Variants in SACS observed in about 807,000 individuals in gnomAD.
SACS encodes sacsin.
In SACS, 197 loss-of-function variants were observed where a neutral mutation model predicts 348.0. That is an observed-to-expected ratio of 0.57 (90% CI 0.50 to 0.64). SACS has a LOEUF of 0.64. Among genes scored for constraint, SACS ranks in the 30% least tolerant of loss-of-function variants. SACS has a pLI of 0.00. For missense variants in SACS, 4,999 were observed against 5,360.8 expected (o/e 0.93, Z 2.11); for synonymous variants, 1,985 against 1,910.6 (o/e 1.04, Z -1.02).
chr13:23,351,440 G>A (rs902705449), intron 9 of SACS, among the ~76,000 whole-genome samples: 1 of 152,028 alleles, frequency 6.6e-6, no homozygotes, highest in Non-Finnish European at 1.5e-5. Flanking sequence ...TCGTGGTAGC[G>A]AATACTGTTC....
At chr13:23,406,183 T>G (rs1432900161) in intron 2 of SACS, among the ~76,000 whole-genome samples, 1 of 152,112 alleles carries the variant, frequency 6.6e-6, no homozygotes, top group African/African-American at 2.4e-5. Flanking sequence ...ATACACACAA[T>G]GGAATACTAT....
intron 2 of SACS, among the ~76,000 whole-genome samples, chr13:23,379,353 G>A (rs1049558196): frequency 4.6e-5 from 7 of 152,222 alleles, no homozygotes; most frequent in African/African-American, 1.7e-4. Context: ...GAAGCCTGGT[G>A]CCTGTGCTCG....
At chr13:23,371,927 A>T (rs1221755057) in intron 3 of SACS, among the ~76,000 whole-genome samples, 1 of 152,234 alleles carries the variant, frequency 6.6e-6, no homozygotes, top group Non-Finnish European at 1.5e-5. Context: ...ATAAATGATC[A>T]TTCTATTGTT....
At chr13:23,376,822 C>T (rs1871826687) in intron 2 of SACS, among the ~76,000 whole-genome samples, 2 of 152,156 alleles carry the variant, frequency 1.3e-5, no homozygotes, top group South Asian at 2.1e-4. Flanking sequence ...GAGGCCAAGA[C>T]GGGTGGATTA....
Position 23,341,106 on chromosome 13 carries a change from A to G in SACS, c.2770T>C (p.Leu924=), listed in dbSNP as rs1869169717. 3.1e-6 allele frequency: 5 copies of G among 1,613,754 alleles called. No homozygotes were observed. Among genetic ancestry groups the G allele is most frequent in the African/African-American group, 2.7e-5 (2 of 75,052 alleles). ...TGGTTAATGCGCTTGAATATTGCCA[A>G]TTCTTGAATAATTCTTTTCTCTTTC... is the stretch of plus-strand genomic sequence containing the variant. ...SEKEKRIIQE[L]AIFKRINHSS... The change falls in exon 10 of 10, where the codon TTG becomes CTG. Residue 924 remains leucine (L), a synonymous_variant. Coordinates refer to ENST00000382292, the MANE Select transcript of SACS (RefSeq NM_014363.6).
In SACS at chr13:23,335,263, C is replaced by CA. The variant is rs1057517212; in HGVS notation, c.8612dup (p.Leu2871PhefsTer29). 6 of 1,613,670 alleles carry CA rather than the reference C, an allele frequency of 3.7e-6. No individual in the cohort carries two copies. Among genetic ancestry groups the CA allele is most frequent in the Non-Finnish European group, 5.1e-6 (6 of 1,179,852 alleles). On this transcript the variant is annotated frameshift_variant, in exon 10 of 10. Coordinates refer to ENST00000382292, the MANE Select transcript of SACS (RefSeq NM_014363.6). LOFTEE classifies it high-confidence loss of function. The surrounding 1 kb of genome is among the most constrained non-coding windows in gnomAD (Gnocchi z 4.7). ...GCAGCCCAGTCTCCAAAGAAAGAGGCAAAAAACAGAAGGCCCTATGGGGTT... is the reference window on the plus strand; with the variant it reads ...GCAGCCCAGTCTCCAAAGAAAGAGGCAAAAAAACAGAAGGCCCTATGGGGTT...
intron 3 of SACS, among the ~76,000 whole-genome samples, chr13:23,371,679 G>A (rs984768605): frequency 2.6e-5 from 4 of 152,176 alleles, no homozygotes; most frequent in African/African-American, 9.7e-5. Flanking sequence ...TTTAGGTTAC[G>A]TATTCAGGCT....
At chr13:23,390,926 C>T (rs1872506718) in intron 2 of SACS, among the ~76,000 whole-genome samples, 1 of 152,208 alleles carries the variant, frequency 6.6e-6, no homozygotes, top group South Asian at 2.1e-4. Flanking sequence ...CCTTCTCCAG[C>T]CCAAACCTGC....
rs867991333 is a variant in SACS, at chr13:23,337,830, G to A, written c.6046C>T (p.Leu2016Phe). ...AGGTTTTTGGACCCAGTCTTCTTGA[G>A]GTATTTCAAAAATATCTTGAAGGCT... is the stretch of plus-strand genomic sequence containing the variant. ...SAAFKIFLKYLKKTGSKNLCA... is the reference protein window; with the variant it reads ...SAAFKIFLKYFKKTGSKNLCA... Residue 2016 changes from leucine to phenylalanine, a missense_variant, in exon 10 of 10, where the codon CTC becomes TTC. Physicochemically the swap from Leu to Phe is conservative, Grantham distance 22. This residue lies in a region of SACS where 3,156 missense variants were observed against 3,380.1 expected (regional missense o/e 0.93). Transcript: ENST00000382292. The A allele has an allele frequency of 1.2e-6, 2 of 1,613,828 alleles. No individual in the cohort carries two copies. Among genetic ancestry groups the A allele is most frequent in the Admixed American group, 1.7e-5 (1 of 60,000 alleles).
chr13:23,354,475 G>A (rs1870186906), intron 8 of SACS, 44 bp downstream of exon 8: 1 of 1,551,434 alleles, frequency 6.4e-7, no homozygotes. Context: ...CAGGAGCAGG[G>A]GAACCCTAAG....
intron 9 of SACS, among the ~76,000 whole-genome samples, chr13:23,351,309 G>A (rs575202421): frequency 1.3e-5 from 2 of 152,258 alleles, no homozygotes; most frequent in East Asian, 3.9e-4. Context: ...AAGTTTAAAG[G>A]CTAGTGATAT....
At chr13:23,404,698 T>G (rs1055041227) in intron 2 of SACS, among the ~76,000 whole-genome samples, 2 of 152,206 alleles carry the variant, frequency 1.3e-5, no homozygotes, top group Non-Finnish European at 1.5e-5. Flanking sequence ...CAAAATCTCC[T>G]TAAGCTGAGA....
intron 6 of SACS, among the ~76,000 whole-genome samples, chr13:23,358,799 AG>A (rs1870553146): frequency 6.6e-6 from 1 of 152,230 alleles, no homozygotes; most frequent in African/African-American, 2.4e-5. Context: ...TGTTCTAAAT[AG>A]TATATTTAAA....
At chr13:23,347,694 A>G (rs943939716) in intron 9 of SACS, among the ~76,000 whole-genome samples, 4 of 152,186 alleles carry the variant, frequency 2.6e-5, no homozygotes, top group African/African-American at 9.7e-5. Context: ...ATACTTAAAC[A>G]GGTACCAGTG....
At chr13:23,358,103 T>C (rs982163825) in intron 7 of SACS, among the ~76,000 whole-genome samples, 3 of 152,230 alleles carry the variant, frequency 2.0e-5, no homozygotes, top group Non-Finnish European at 4.4e-5. Context: ...TGGATCATGA[T>C]GATGTTAACT....
At chr13:23,375,511 A>G in intron 2 of SACS, 3 of 1,118,498 alleles carry the variant, frequency 2.7e-6, no homozygotes, top group Non-Finnish European at 3.3e-6. Flanking sequence ...CGAGGAGGAA[A>G]CGCTAGAGGA....
At chr13:23,350,986 C>T (rs1004416336) in intron 9 of SACS, among the ~76,000 whole-genome samples, 6 of 152,206 alleles carry the variant, frequency 3.9e-5, no homozygotes, top group Admixed American at 6.5e-5. Context: ...TAATCCATTT[C>T]ACTCTGGGAG....
intron 1 of SACS, chr13:23,426,918 TCAC>T (rs966682367): frequency 2.0e-5 from 3 of 152,206 alleles, no homozygotes; most frequent in African/African-American, 7.2e-5. Flanking sequence ...TATTTTCCTT[TCAC>T]CCCCTCAAAC....
At chr13:23,364,848 G>T (rs570400767) in intron 6 of SACS, among the ~76,000 whole-genome samples, 1 of 152,122 alleles carries the variant, frequency 6.6e-6, no homozygotes, top group African/African-American at 2.4e-5. Context: ...CCAAATGCAG[G>T]AAAGTGTTAC....
Sources: gnomAD v4.1 joint callset for allele counts (sites outside exome capture counted in the v4.1 genomes callset) on GRCh38, gnomAD v4.1.1 for gene constraint, gnomAD v4.1.1 regional missense constraint, Gnocchi (gnomAD v3.1) non-coding constraint, MANE v1.5 for transcripts, NCBI Gene and HGNC (gene_info 2026-07-23, HGNC 2026-07-21) for gene names.